The following PARD3B variants were observed in gnomAD, a reference collection of about 807,000 sequenced individuals.
PARD3B encodes the protein par-3 family cell polarity regulator beta.
Under a neutral mutation model 130.2 loss-of-function variants are expected in PARD3B, and 103 were observed. The ratio of observed to expected loss-of-function variants is 0.79; its 90% confidence interval spans 0.67 to 0.93. PARD3B has a LOEUF of 0.93. PARD3B is among the 40% of genes least tolerant of loss of function. PARD3B has a pLI of 0.00. For missense variants in PARD3B, 1,609 were observed against 1,499.2 expected (o/e 1.07, Z -1.21); for synonymous variants, 583 against 553.2 (o/e 1.05, Z -0.76).
chr2:205,301,566 G>A lies in PARD3B; in HGVS notation c.2495G>A (p.Arg832Lys). Reference sequence around the variant, plus strand: ...CTAGAGGACATGGAAAATAAAGCCAGGAAAGTCAAAAAAACGAAAGAGAAG... The same window carrying A: ...CTAGAGGACATGGAAAATAAAGCCAAGAAAGTCAAAAAAACGAAAGAGAAG... ...SELEDMENKARKVKKTKEKEK... is the reference protein window; with the variant it reads ...SELEDMENKAKKVKKTKEKEK... The change falls in exon 18 of 23, where the codon AGG (arginine) becomes AAG (lysine). Residue 832 changes from arginine (R) to lysine (K), a missense_variant. Coordinates refer to ENST00000406610, the MANE Select transcript of PARD3B (RefSeq NM_001302769.2). This position sits in a 1 kb window ranked among gnomAD's most constrained non-coding sequence, Gnocchi z 5.2. The A allele has an allele frequency of 6.2e-7, 1 of 1,613,560 alleles. No individual in the cohort carries two copies. The highest frequency in any genetic ancestry group is 1.7e-5 in the Admixed American group (1 of 59,950).
chr2:205,132,537 A>G (rs1446252345), intron 10 of PARD3B, among the ~76,000 whole-genome samples: 1 of 152,080 alleles, frequency 6.6e-6, no homozygotes, highest in Non-Finnish European at 1.5e-5. Flanking sequence ...TGCTTGGGCA[A>G]AGCTTCCTTG....
At chr2:205,541,363 T>G (rs961256775) in intron 21 of PARD3B, among the ~76,000 whole-genome samples, 1 of 125,288 alleles carries the variant, frequency 8.0e-6, no homozygotes, top group Non-Finnish European at 1.8e-5. Context: ...TTTTTTTTTT[T>G]TTGAGACAGA....
At chr2:204,670,149 T>A (rs928226580) in intron 1 of PARD3B, among the ~76,000 whole-genome samples, 1 of 152,198 alleles carries the variant, frequency 6.6e-6, no homozygotes, top group African/African-American at 2.4e-5. Context: ...TTTAATTTTT[T>A]AAAATCAAAG....
At position 204,606,747 on chromosome 2, in the gene PARD3B, A is replaced by T. The variant is rs2033737923; in HGVS notation, c.120+60628A>T. Among the ~76,000 whole-genome samples, 1 of 152,154 alleles carries T rather than the reference A, an allele frequency of 6.6e-6. No homozygotes were observed. The highest frequency in any genetic ancestry group is 1.5e-5 in the Non-Finnish European group (1 of 68,030). On this transcript the variant is annotated intron_variant, in intron 1 of 22. Transcript: ENST00000406610. The surrounding 1 kb of genome is among the most constrained non-coding windows in gnomAD (Gnocchi z 4.0). ...AAACTGTTTTAAAGGTTTGACCTGC[A>T]TGCACCTCATTAAGTTAATGGAATT... is the stretch of plus-strand genomic sequence containing the variant.
intron 1 of PARD3B, among the ~76,000 whole-genome samples, chr2:204,616,788 T>C (rs2034128444): frequency 6.6e-6 from 1 of 152,176 alleles, no homozygotes; most frequent in Admixed American, 6.6e-5. Flanking sequence ...ATTCAGTGAA[T>C]GGGAAGTCCT....
In PARD3B at chr2:205,078,040, A is replaced by C. The variant is rs955101097; in HGVS notation, c.505-26386A>C. On this transcript the variant is annotated intron_variant, in intron 4 of 22. Transcript: ENST00000406610. This position sits in a 1 kb window ranked among gnomAD's most constrained non-coding sequence, Gnocchi z 4.0. The stretch of plus-strand genomic sequence containing the variant: ...CTGCCCTTTGGTTTTTGACTTAATA[A>C]TTAAGAATGACTTCATTGTGATTTT... Among the ~76,000 whole-genome samples the C allele has an allele frequency of 1.3e-5, 2 of 152,228 alleles. No individual in the cohort carries two copies. The highest frequency in any genetic ancestry group is 2.9e-5 in the Non-Finnish European group (2 of 68,044).
intron 1 of PARD3B, among the ~76,000 whole-genome samples, chr2:204,552,779 C>T (rs928765588): frequency 1.3e-5 from 2 of 152,116 alleles, no homozygotes; most frequent in African/African-American, 2.4e-5. Context: ...TTAATGTTTT[C>T]GTTTGCTTTG....
At chr2:204,935,603 A>G (rs901258795) in intron 2 of PARD3B, among the ~76,000 whole-genome samples, 1 of 151,636 alleles carries the variant, frequency 6.6e-6, no homozygotes, top group Non-Finnish European at 1.5e-5. Context: ...AGTATGTATT[A>G]TGTGTGTATA....
At chr2:205,340,266 CG>C (rs1559679464) in intron 18 of PARD3B, among the ~76,000 whole-genome samples, 1 of 151,984 alleles carries the variant, frequency 6.6e-6, no homozygotes, top group East Asian at 1.9e-4. Context: ...CTAAAATCTA[CG>C]TAGAACCACA....
At chr2:204,721,698 A>G (rs1369632305) in intron 2 of PARD3B, among the ~76,000 whole-genome samples, 1 of 152,172 alleles carries the variant, frequency 6.6e-6, no homozygotes, top group Non-Finnish European at 1.5e-5. Context: ...TAAAAATGGC[A>G]AAGGTATTTT....
intron 2 of PARD3B, among the ~76,000 whole-genome samples, chr2:204,716,885 T>G (rs2125311737): frequency 6.6e-6 from 1 of 152,138 alleles, no homozygotes; most frequent in African/African-American, 2.4e-5. Flanking sequence ...GCCTCCCAAA[T>G]TGGTGGGATT....
chr2:205,245,842 T>G lies in PARD3B; in HGVS notation c.2185+20T>G, dbSNP rs1353441869. 2 of 1,562,640 alleles carry G rather than the reference T, an allele frequency of 1.3e-6. No individual in the cohort carries two copies. The highest frequency in any genetic ancestry group is 1.4e-5 in the African/African-American group (1 of 73,872). ...AATCGGGTAAGAAATTCCTTGTAACTGACTATATTCCTCTTCCTGGAAATC... is the reference window on the plus strand; with the variant it reads ...AATCGGGTAAGAAATTCCTTGTAACGGACTATATTCCTCTTCCTGGAAATC... On this transcript the variant is annotated intron_variant, in intron 16 of 22. Transcript: ENST00000406610.
chr2:205,527,930 C>T (rs1190143272), intron 21 of PARD3B, among the ~76,000 whole-genome samples: 3 of 152,130 alleles, frequency 2.0e-5, no homozygotes, highest in Non-Finnish European at 2.9e-5. Flanking sequence ...CTGATGACAC[C>T]TACATGATGC....
intron 2 of PARD3B, among the ~76,000 whole-genome samples, chr2:204,720,348 G>A (rs545859527): frequency 1.3e-5 from 2 of 152,212 alleles, no homozygotes; most frequent in South Asian, 2.1e-4. Flanking sequence ...GCGTTTTTGT[G>A]TGTGGTCTGT....
Position 204,887,736 on chromosome 2 carries a change from A to G in PARD3B, c.223-77416A>G, listed in dbSNP as rs1424085847. ...CATCCCTTCCCTCAAGCAGAATGCA[A>G]GGTAACTGGAGACATAAAATGAGCA... On this transcript the variant is annotated intron_variant, in intron 2 of 22. Coordinates refer to ENST00000406610, the MANE Select transcript of PARD3B (RefSeq NM_001302769.2). This position sits in a 1 kb window ranked among gnomAD's most constrained non-coding sequence, Gnocchi z 4.2. 6.6e-6 allele frequency among the ~76,000 whole-genome samples: 1 copy of G among 152,030 alleles called. No individual in the cohort carries two copies. The highest frequency in any genetic ancestry group is 1.5e-5 in the Non-Finnish European group (1 of 68,020).
chr2:205,152,716 G>A (rs761504109), intron 10 of PARD3B, among the ~76,000 whole-genome samples: 50 of 152,084 alleles, frequency 3.3e-4, no homozygotes, highest in African/African-American at 4.8e-4. Context: ...CCTTTAGCTC[G>A]GAGAAGTTTG....
At position 204,766,102 on chromosome 2, in the gene PARD3B, C is replaced by G. The variant is rs545835038; in HGVS notation, c.222+79820C>G. Among the ~76,000 whole-genome samples the G allele has an allele frequency of 3.9e-5, 6 of 152,192 alleles. No homozygotes were observed. In the South Asian group the frequency reaches 1.0e-3, roughly 26 times the overall value. On this transcript the variant is annotated intron_variant, in intron 2 of 22. Coordinates refer to ENST00000406610, the MANE Select transcript of PARD3B (RefSeq NM_001302769.2). ...TTAGGTTTCCACTTTTAAGGCAATTCTATATATTTTGTTTCATATTATTGC... is the reference window on the plus strand; with the variant it reads ...TTAGGTTTCCACTTTTAAGGCAATTGTATATATTTTGTTTCATATTATTGC...
intron 11 of PARD3B, among the ~76,000 whole-genome samples, chr2:205,162,174 C>T (rs1306203430): frequency 6.6e-6 from 1 of 152,154 alleles, no homozygotes; most frequent in African/African-American, 2.4e-5. Context: ...GGAAGTGAGT[C>T]CCTGACTCAT....
intron 1 of PARD3B, among the ~76,000 whole-genome samples, chr2:204,637,703 A>C (rs182288801): frequency 7.3e-5 from 11 of 150,896 alleles, no homozygotes; most frequent in Admixed American, 7.2e-4. Flanking sequence ...ATAATAGTTT[A>C]TGATACCTTT....
Sources: gnomAD v4.1 joint callset for allele counts (sites outside exome capture counted in the v4.1 genomes callset) on GRCh38, gnomAD v4.1.1 for gene constraint, Gnocchi (gnomAD v3.1) non-coding constraint, MANE v1.5 for transcripts, NCBI Gene and HGNC (gene_info 2026-07-23, HGNC 2026-07-21) for gene names.